Variants in COPE observed in about 807,000 individuals in gnomAD.
The protein encoded by COPE is coat protein complex I subunit epsilon, also known as coatomer subunit epsilon.
A neutral mutation model predicts 42.1 loss-of-function variants in COPE; 19 were observed. The ratio of observed to expected loss-of-function variants is 0.45; its 90% confidence interval spans 0.31 to 0.66. COPE has a LOEUF of 0.66. COPE is among the 30% of genes least tolerant of loss of function. COPE has a pLI of 0.05. For missense variants in COPE, 402 were observed against 416.1 expected, an observed-to-expected ratio of 0.97 and a Z score of 0.30; for synonymous variants, 195 against 181.3, an observed-to-expected ratio of 1.08 and a Z score of -0.60.
chr19:18,903,386 T>TG lies in COPE; in HGVS notation c.616dup (p.Gln206ProfsTer5). On this transcript the variant is annotated frameshift_variant, in exon 7 of 10. Coordinates refer to ENST00000262812, the MANE Select transcript of COPE (RefSeq NM_007263.4). LOFTEE classifies it high-confidence loss of function. ...GGGCGAGCACTTGTCAGCCATCTCC[T>TG]GGAAGATGTAGTAGGCATCCTGCAG... 6.2e-7 allele frequency: 1 copy of TG among 1,613,206 alleles called. No homozygotes were observed. The highest frequency in any genetic ancestry group is 8.5e-7 in the Non-Finnish European group (1 of 1,179,576).
At chr19:18,909,741 G>A (rs1019589619) in intron 3 of COPE, among the ~76,000 whole-genome samples, 11 of 151,990 alleles carry the variant, frequency 7.2e-5, no homozygotes, top group Non-Finnish European at 1.2e-4. Flanking sequence ...GAAAACTCCT[G>A]ACCTCAGGTG....
chr19:18,905,769 G>C, intron 4 of COPE, 140 bp from the exon 5 acceptor site: 3 of 769,648 alleles, frequency 3.9e-6, no homozygotes, highest in Non-Finnish European at 4.1e-6. Context: ...CAGCAGAGGA[G>C]GACACCCTCA....
chr19:18,919,208 CCTGCGCGGCCGCACCTTCACCCG>C lies in COPE; in HGVS notation c.118_126+14del. ...CCTCCGCCCCCAGCGTCCCCGCGCC[CCTGCGCGGCCGCACCTTCACCCG>C]CTGCGCCTCGTTTATGCACTGCTGG... On this transcript the variant is annotated splice_donor_variant and splice_donor_5th_base_variant and coding_sequence_variant and intron_variant, in exon 1 of 10. Transcript: ENST00000262812. LOFTEE classifies it high-confidence loss of function. The C allele has an allele frequency of 6.2e-7, 1 of 1,604,816 alleles. No individual in the cohort carries two copies. The highest frequency in any genetic ancestry group is 8.5e-7 in the Non-Finnish European group (1 of 1,174,756).
chr19:18,902,109 G>A (rs907648373), intron 7 of COPE, among the ~76,000 whole-genome samples: 4 of 148,118 alleles, frequency 2.7e-5, no homozygotes, highest in African/African-American at 1.0e-4. Flanking sequence ...GAACCCAGGA[G>A]GCAGAGCTTG....
At chr19:18,899,833 C>CT (rs1359806252) in intron 9 of COPE, 40 bp downstream of exon 9, 12 of 1,611,428 alleles carry the variant, frequency 7.4e-6, no homozygotes, top group South Asian at 2.2e-5. Context: ...CAGGCGCCCC[C>CT]TGGCCTGGTT....
At chr19:18,907,184 G>T in intron 3 of COPE, 72 bp from the exon 4 acceptor site, 1 of 1,532,404 alleles carries the variant, frequency 6.5e-7, no homozygotes, top group South Asian at 1.2e-5. Flanking sequence ...CCCCTTCCTT[G>T]GAAGCAGACA....
Position 18,919,276 on chromosome 19 carries a change from C to T in COPE, c.73G>A (p.Ala25Thr), listed in dbSNP as rs376680842. The change falls in exon 1 of 10, where the codon GCC becomes ACC. Residue 25 changes from alanine (A) to threonine (T), a missense_variant. Coordinates refer to ENST00000262812, the MANE Select transcript of COPE (RefSeq NM_007263.4). Reference protein sequence around the residue: ...EVDELFDVKNAFYIGSYQQCI... With the variant: ...EVDELFDVKNTFYIGSYQQCI... ...TGCTGGTAGCTGCCGATGTAGAAGG[C>T]GTTCTTTACGTCGAACAGCTCGTCT... is the stretch of plus-strand genomic sequence containing the variant. 96 of 1,613,968 alleles carry T rather than the reference C, an allele frequency of 5.9e-5. 1 individual carries two copies. In the Middle Eastern group the frequency reaches 6.7e-4, roughly 11 times the overall value.
chr19:18,914,161 T>C (rs1469937183), intron 1 of COPE, among the ~76,000 whole-genome samples: 1 of 152,160 alleles, frequency 6.6e-6, no homozygotes, highest in African/African-American at 2.4e-5. Context: ...GTCAAAGGCA[T>C]GCGGAGGGTG....
At chr19:18,914,140 C>T (rs998108271) in intron 1 of COPE, among the ~76,000 whole-genome samples, 1 of 152,184 alleles carries the variant, frequency 6.6e-6, no homozygotes, top group Non-Finnish European at 1.5e-5. Flanking sequence ...ATAAATAACT[C>T]CTAGAAGAAT....
chr19:18,900,105 G>T, intron 8 of COPE, 158 bp from the exon 9 acceptor site: 1 of 648,826 alleles, frequency 1.5e-6, no homozygotes, highest in Non-Finnish European at 2.6e-6. Context: ...CTTCAGGGTG[G>T]GGGTGGAGGG....
At chr19:18,912,568 C>T (rs1157165260) in intron 2 of COPE, among the ~76,000 whole-genome samples, 1 of 151,994 alleles carries the variant, frequency 6.6e-6, no homozygotes, top group East Asian at 1.9e-4. Context: ...ACCACCCTGG[C>T]TAATGTGGTG....
At position 18,907,010 on chromosome 19, in the gene COPE, C is replaced by G. The variant is rs373887706; in HGVS notation, c.393G>C (p.Gln131His). The change falls in exon 4 of 10, where the codon CAG (glutamine) becomes CAC (histidine). Residue 131 changes from glutamine to histidine, a missense_variant. By Grantham distance (24) the Gln-to-His change is conservative. Transcript: ENST00000262812. ...LMAASIYLHD[Q>H]NPDAALRALH... Reference sequence around the variant, plus strand: ...GCGCACGCAGGGCGGCATCCGGGTTCTGGTCGTGGAGATAGATGGAGGCGG... The same window carrying G: ...GCGCACGCAGGGCGGCATCCGGGTTGTGGTCGTGGAGATAGATGGAGGCGG... 6 of 1,592,074 alleles carry G rather than the reference C, an allele frequency of 3.8e-6. No homozygotes were observed. The highest frequency in any genetic ancestry group is 5.1e-6 in the Non-Finnish European group (6 of 1,169,760).
chr19:18,917,040 T>A (rs2056859759), intron 1 of COPE, among the ~76,000 whole-genome samples: 2 of 151,374 alleles, frequency 1.3e-5, no homozygotes, highest in Admixed American at 6.6e-5. Context: ...CCACACTCCT[T>A]CCAAAGGCTC....
chr19:18,905,241 T>G (rs1467519292), intron 5 of COPE, among the ~76,000 whole-genome samples: 2 of 152,170 alleles, frequency 1.3e-5, no homozygotes, highest in African/African-American at 2.4e-5. Context: ...TGATGCCACG[T>G]GCAGGCCCCG....
chr19:18,909,345 A>G (rs964454404), intron 3 of COPE, among the ~76,000 whole-genome samples: 12 of 152,194 alleles, frequency 7.9e-5, no homozygotes, highest in Non-Finnish European at 1.3e-4. Context: ...TGGAGGCCGT[A>G]AGTCTGAAGT....
rs375765242 is a variant in COPE at position 18,906,987 on chromosome 19, G to A, written c.416C>T (p.Ala139Val). 74 of 1,573,232 alleles carry A rather than the reference G, an allele frequency of 4.7e-5. No homozygotes were observed. The highest frequency in any genetic ancestry group is 1.1e-4 in the African/African-American group (8 of 74,088). The change falls in exon 4 of 10, where the codon GCG becomes GTG. Residue 139 changes from alanine to valine, a missense_variant. Transcript: ENST00000262812. ...HDQNPDAALR[A>V]LHQGDSLECT... ...CTCCAGGCTGTCCCCCTGGTGCAGC[G>A]CACGCAGGGCGGCATCCGGGTTCTG...
chr19:18,905,143 G>A (rs547377292), intron 5 of COPE, among the ~76,000 whole-genome samples: 2 of 152,228 alleles, frequency 1.3e-5, no homozygotes, highest in African/African-American at 2.4e-5. Flanking sequence ...GAAGGGCAAC[G>A]GAACTACAGT....
intron 6 of COPE, 82 bp from the exon 7 acceptor site, chr19:18,903,505 A>C: frequency 7.0e-7 from 1 of 1,432,798 alleles, no homozygotes; most frequent in Non-Finnish European, 9.4e-7. Context: ...AGCGGGGGGG[A>C]CTCCAGCACT....
chr19:18,903,360 T>C lies in COPE; in HGVS notation c.643A>G (p.Thr215Ala). ...FQEMADKCSP[T>A]LLLLNGQAAC... ...GCCTGCCCATTGAGCAGCAGCAGGG[T>C]GGGCGAGCACTTGTCAGCCATCTCC... Residue 215 changes from threonine (T) to alanine (A), a missense_variant, in exon 7 of 10, where the codon ACC becomes GCC. Transcript: ENST00000262812. The C allele has an allele frequency of 6.2e-7, 1 of 1,612,480 alleles. No individual in the cohort carries two copies. The highest frequency in any genetic ancestry group is 2.2e-5 in the East Asian group (1 of 44,724).
Sources: gnomAD v4.1 joint callset for allele counts (sites outside exome capture counted in the v4.1 genomes callset) on GRCh38, gnomAD v4.1.1 for gene constraint, MANE v1.5 for transcripts, NCBI Gene and HGNC (gene_info 2026-07-23, HGNC 2026-07-21) for gene names.